The following TRIB2 variants were observed in gnomAD, a reference collection of about 807,000 sequenced individuals.
TRIB2 encodes tribbles homolog 2.
Under a neutral mutation model 26.8 loss-of-function variants are expected in TRIB2, and 2 were observed. The observed-to-expected ratio is 0.07, with a 90% CI of 0.03 to 0.24. The LOEUF (loss-of-function observed/expected upper bound fraction) is 0.24. Ranked by LOEUF, TRIB2 falls within the 10% of genes least tolerant of loss-of-function variation. TRIB2 has a pLI of 1.00. For synonymous variants in TRIB2, 189 were observed against 187.3 expected (o/e 1.01, Z -0.08); for missense variants, 306 against 449.0 (o/e 0.68, Z 2.88).
At chr2:12,737,992 A>G (rs2103259544) in intron 2 of TRIB2, among the ~76,000 whole-genome samples, 2 of 152,334 alleles carry the variant, frequency 1.3e-5, no homozygotes, top group East Asian at 3.9e-4. Context: ...CTCTTAGCCC[A>G]GTGCCTTTTC....
chr2:12,723,584 G>A, intron 2 of TRIB2, 32 bp downstream of exon 2: 1 of 1,594,832 alleles, frequency 6.3e-7, no homozygotes, highest in Non-Finnish European at 8.6e-7. Context: ...CCTGGGTACT[G>A]TGATGGACTG....
chr2:12,735,668 T>A (rs1004673500), intron 2 of TRIB2, among the ~76,000 whole-genome samples: 29 of 152,290 alleles, frequency 1.9e-4, no homozygotes, highest in African/African-American at 6.5e-4. Context: ...ATAGATGACA[T>A]CTGCCGTTTG....
chr2:12,735,892 T>A (rs139740128), intron 2 of TRIB2, among the ~76,000 whole-genome samples: 184 of 152,288 alleles, frequency 1.2e-3, no homozygotes, highest in African/African-American at 4.2e-3. Context: ...TAGGGGCAGC[T>A]GGTATTTGGC....
intron 2 of TRIB2, among the ~76,000 whole-genome samples, chr2:12,729,346 G>T (rs1661404341): frequency 6.6e-6 from 1 of 152,182 alleles, no homozygotes; most frequent in Non-Finnish European, 1.5e-5. Flanking sequence ...TTGACGGAAT[G>T]TCTCCTTTTT....
chr2:12,741,028 C>T lies in TRIB2; in HGVS notation c.*234C>T. The T allele has an allele frequency of 1.9e-6, 1 of 521,488 alleles. No individual in the cohort carries two copies. The highest frequency in any genetic ancestry group is 3.2e-5 in the East Asian group (1 of 30,970). The allele number at this position is 521,488 out of a possible 1,614,324, so 32.3% of individuals were successfully genotyped here. On this transcript the variant is annotated 3_prime_UTR_variant, in exon 3 of 3. Coordinates refer to ENST00000155926, the MANE Select transcript of TRIB2 (RefSeq NM_021643.4). Reference sequence around the variant, plus strand: ...TGGGAGCCCGCTGGAGCTTGTCTTCCCTAACATAGCCTGGGAGACCACCCC... The same window carrying T: ...TGGGAGCCCGCTGGAGCTTGTCTTCTCTAACATAGCCTGGGAGACCACCCC...
intron 2 of TRIB2, among the ~76,000 whole-genome samples, chr2:12,733,073 G>A (rs867018501): frequency 2.6e-5 from 4 of 151,500 alleles, no homozygotes; most frequent in Middle Eastern, 3.4e-3. Flanking sequence ...TGGAAAATAC[G>A]GCATGATTTG....
Position 12,740,631 on chromosome 2 carries a change from G to T in TRIB2, c.869G>T (p.Arg290Leu). Residue 290 changes from arginine (R) to leucine (L), a missense_variant, in exon 3 of 3, where the codon CGT becomes CTT. Coordinates refer to ENST00000155926, the MANE Select transcript of TRIB2 (RefSeq NM_021643.4). This position sits in a 1 kb window ranked among gnomAD's most constrained non-coding sequence, Gnocchi z 5.8. ...KAKCLIRSIL[R>L]REPSERLTSQ... ...AAGTGCCTCATCCGAAGCATTCTGC[G>T]TCGGGAGCCCTCAGAGCGGCTGACC... The T allele has an allele frequency of 6.2e-7, 1 of 1,614,176 alleles. No individual in the cohort carries two copies. Among genetic ancestry groups the T allele is most frequent in the Non-Finnish European group, 8.5e-7 (1 of 1,180,030 alleles).
chr2:12,723,367 C>T lies in TRIB2; in HGVS notation c.378C>T (p.Ala126=). 6.2e-7 allele frequency: 1 copy of T among 1,614,242 alleles called. No individual in the cohort carries two copies. Among genetic ancestry groups the T allele is most frequent in the Non-Finnish European group, 8.5e-7 (1 of 1,180,050 alleles). The change falls in exon 2 of 3, where the codon GCC becomes GCT. Residue 126 remains alanine, a synonymous_variant. Transcript: ENST00000155926. Reference sequence around the variant, plus strand: ...AAATTATCCTGGGTGAGACCAAAGCCTATGTGTTCTTTGAGCGAAGCTATG... The same window carrying T: ...AAATTATCCTGGGTGAGACCAAAGCTTATGTGTTCTTTGAGCGAAGCTATG... ...ITEIILGETK[A]YVFFERSYGD...
intron 1 of TRIB2, among the ~76,000 whole-genome samples, chr2:12,723,005 C>T (rs561162391): frequency 3.9e-5 from 6 of 152,260 alleles, no homozygotes; most frequent in African/African-American, 1.2e-4. Flanking sequence ...TTCATTTTCT[C>T]ATATAATCCT....
chr2:12,718,202 G>C lies in TRIB2; in HGVS notation c.-106G>C. ...CCCCTCTTCTGTCCCCTCCCCTCTC[G>C]CTCCCTTTTAAAATCAGTGGCACCG... On this transcript the variant is annotated 5_prime_UTR_variant, in exon 1 of 3. Coordinates refer to ENST00000155926, the MANE Select transcript of TRIB2 (RefSeq NM_021643.4). This position sits in a 1 kb window ranked among gnomAD's most constrained non-coding sequence, Gnocchi z 4.0. 2.4e-5 allele frequency: 34 copies of C among 1,423,604 alleles called. No individual in the cohort carries two copies. Among genetic ancestry groups the C allele is most frequent in the Non-Finnish European group, 3.1e-5 (33 of 1,065,064 alleles). 88.2% of individuals were successfully genotyped at this position (1,423,604 alleles called of 1,614,324 possible).
intron 2 of TRIB2, among the ~76,000 whole-genome samples, chr2:12,730,650 T>G (rs1661433404): frequency 6.6e-6 from 1 of 152,244 alleles, no homozygotes; most frequent in African/African-American, 2.4e-5. Context: ...TACAATGGGC[T>G]TCATTTCTTT....
chr2:12,738,959 C>G (rs1661647248), intron 2 of TRIB2, among the ~76,000 whole-genome samples: 1 of 152,142 alleles, frequency 6.6e-6, no homozygotes, highest in African/African-American at 2.4e-5. Context: ...GGATTTCTTA[C>G]CTCTTTTCTT....
At chr2:12,730,582 G>A (rs1200593846) in intron 2 of TRIB2, among the ~76,000 whole-genome samples, 1 of 152,188 alleles carries the variant, frequency 6.6e-6, no homozygotes, top group Non-Finnish European at 1.5e-5. Flanking sequence ...ACGTCCTGTT[G>A]TTCCATTCTG....
At position 12,737,965 on chromosome 2, in the gene TRIB2, G is replaced by C. The variant is rs191140337; in HGVS notation, c.564-2361G>C. Among the ~76,000 whole-genome samples, 34 of 152,272 alleles carry C rather than the reference G, an allele frequency of 2.2e-4. No individual in the cohort carries two copies. In the East Asian group the frequency reaches 6.6e-3, roughly 29 times the overall value. ...GCAGGTGAGAGACAGAGCCTAGCCTGGAAACTGCCTTCCTAGCTCTTAGCC... is the reference window on the plus strand; with the variant it reads ...GCAGGTGAGAGACAGAGCCTAGCCTCGAAACTGCCTTCCTAGCTCTTAGCC... On this transcript the variant is annotated intron_variant, in intron 2 of 2. Coordinates refer to ENST00000155926, the MANE Select transcript of TRIB2 (RefSeq NM_021643.4).
At chr2:12,733,486 T>G (rs1661499471) in intron 2 of TRIB2, among the ~76,000 whole-genome samples, 1 of 152,212 alleles carries the variant, frequency 6.6e-6, no homozygotes, top group African/African-American at 2.4e-5. Flanking sequence ...TCAGTTTCTC[T>G]GTGTATGGCC....
At position 12,717,241 on chromosome 2, in the gene TRIB2, A is replaced by G. The variant is rs1326334490; in HGVS notation, c.-1067A>G. On this transcript the variant is annotated 5_prime_UTR_variant, in exon 1 of 3. Coordinates refer to ENST00000155926, the MANE Select transcript of TRIB2 (RefSeq NM_021643.4). The surrounding 1 kb of genome is among the most constrained non-coding windows in gnomAD (Gnocchi z 4.8). ...GGTAGGGGGAGACGGGGTGATTGCA[A>G]ATTATTCCAGGACGAGATCCAGTTC... The G allele has an allele frequency of 1.3e-5, 5 of 397,332 alleles. No individual in the cohort carries two copies. Among genetic ancestry groups the G allele is most frequent in the African/African-American group, 4.1e-5 (2 of 48,602 alleles). The allele number at this position is 397,332 out of a possible 1,614,324, so 24.6% of individuals were successfully genotyped here.
chr2:12,738,438 AGCCCTTGTGGAT>A (rs1661633724), intron 2 of TRIB2, among the ~76,000 whole-genome samples: 1 of 152,206 alleles, frequency 6.6e-6, no homozygotes, highest in African/African-American at 2.4e-5. Flanking sequence ...TGAGTGAGAC[AGCCCTTGTGGAT>A]GCTGTCTTAA....
Position 12,717,079 on chromosome 2 carries a change from A to C in TRIB2, c.-1229A>C. The C allele has an allele frequency of 3.9e-6, 1 of 254,126 alleles. No homozygotes were observed. The highest frequency in any genetic ancestry group is 5.5e-5 in the Admixed American group (1 of 18,288). 15.7% of individuals were successfully genotyped at this position (254,126 alleles called of 1,614,324 possible). ...CTGAGCGCGGGGATTGGCCTCGGGC[A>C]CCGTCGGCCGTCCCCTTTAATTTTT... On this transcript the variant is annotated 5_prime_UTR_variant, in exon 1 of 3. Transcript: ENST00000155926. The surrounding 1 kb of genome is among the most constrained non-coding windows in gnomAD (Gnocchi z 4.8).
intron 2 of TRIB2, among the ~76,000 whole-genome samples, chr2:12,736,427 A>G (rs918946286): frequency 2.0e-5 from 3 of 151,928 alleles, no homozygotes; most frequent in East Asian, 2.0e-4. Context: ...CCCTGTAGTC[A>G]TATCTCCCTC....
Sources: gnomAD v4.1 joint callset for allele counts (sites outside exome capture counted in the v4.1 genomes callset) on GRCh38, gnomAD v4.1.1 for gene constraint, Gnocchi (gnomAD v3.1) non-coding constraint, MANE v1.5 for transcripts, NCBI Gene and HGNC (gene_info 2026-07-23, HGNC 2026-07-21) for gene names.